The following RANBP10 variants were observed in gnomAD, a reference collection of about 807,000 sequenced individuals.
The protein encoded by RANBP10 is RAN binding protein 10.
A neutral mutation model predicts 72.8 loss-of-function variants in RANBP10; 24 were observed. The ratio of observed to expected loss-of-function variants is 0.33; its 90% CI spans 0.24 to 0.46. The LOEUF (loss-of-function observed/expected upper bound fraction) is 0.46, where lower values mean the gene tolerates loss of function less well. Ranked by LOEUF, RANBP10 falls within the 20% of genes least tolerant of loss-of-function variation. RANBP10 has a pLI of 1.00. For synonymous variants in RANBP10, 310 were observed against 322.3 expected, an observed-to-expected ratio of 0.96 and a Z score of 0.41; for missense variants, 679 against 817.5, an observed-to-expected ratio of 0.83 and a Z score of 2.07.
At chr16:67,758,843 G>A (rs80265588) in intron 3 of RANBP10, among the ~76,000 whole-genome samples, 18,777 of 152,198 alleles carry the variant, frequency 0.12, 2,205 homozygotes, top group African/African-American at 0.31. Flanking sequence ...CCCAGAATAA[G>A]ACTTTTTAGG....
intron 2 of RANBP10, among the ~76,000 whole-genome samples, chr16:67,782,102 AAC>A (rs1179581575): frequency 6.6e-6 from 1 of 152,196 alleles, no homozygotes; most frequent in African/African-American, 2.4e-5. Flanking sequence ...TTCTACAACT[AAC>A]ACAAATTACT....
chr16:67,790,888 C>CG (rs1436416386), intron 2 of RANBP10, among the ~76,000 whole-genome samples: 3 of 151,184 alleles, frequency 2.0e-5, no homozygotes, highest in Non-Finnish European at 4.4e-5. Flanking sequence ...TTAGTAGAGA[C>CG]GGGGTCTCAT....
chr16:67,748,611 C>A (rs1339829103), intron 3 of RANBP10, among the ~76,000 whole-genome samples: 1 of 151,918 alleles, frequency 6.6e-6, no homozygotes, highest in African/African-American at 2.4e-5. Flanking sequence ...TCTATGTTGC[C>A]CAGGCTGGTC....
chr16:67,762,014 G>A (rs2143010186), intron 3 of RANBP10, among the ~76,000 whole-genome samples: 1 of 152,274 alleles, frequency 6.6e-6, no homozygotes, highest in East Asian at 1.9e-4. Context: ...CCAACATTTT[G>A]GGAGGCCAAA....
chr16:67,803,426 G>A (rs893349780), intron 2 of RANBP10, among the ~76,000 whole-genome samples: 5 of 151,978 alleles, frequency 3.3e-5, no homozygotes, highest in African/African-American at 9.7e-5. Context: ...CAAGGCAGGC[G>A]AATCACCTGA....
At chr16:67,744,734 T>C (rs976320857) in intron 3 of RANBP10, among the ~76,000 whole-genome samples, 1 of 152,192 alleles carries the variant, frequency 6.6e-6, no homozygotes, top group Admixed American at 6.5e-5. Flanking sequence ...CAGAGGGTGG[T>C]ACAACAAGGA....
chr16:67,790,232 A>C (rs1209961023), intron 2 of RANBP10, among the ~76,000 whole-genome samples: 1 of 151,908 alleles, frequency 6.6e-6, no homozygotes, highest in Non-Finnish European at 1.5e-5. Flanking sequence ...CCTTACATGA[A>C]CTATCAAGAA....
chr16:67,777,541 A>G (rs1449666936), intron 2 of RANBP10, among the ~76,000 whole-genome samples: 2 of 152,184 alleles, frequency 1.3e-5, no homozygotes. Flanking sequence ...ATCTCAAAAC[A>G]AAACGAAAAA....
intron 2 of RANBP10, among the ~76,000 whole-genome samples, chr16:67,792,175 C>T (rs1004542806): frequency 1.3e-4 from 20 of 152,118 alleles, no homozygotes; most frequent in Admixed American, 4.6e-4. Flanking sequence ...CATGCAGTCA[C>T]CCACTGAGCC....
At position 67,781,136 on chromosome 16, in the gene RANBP10, C is replaced by T. The variant is rs116190212; in HGVS notation, c.348-9050G>A. 5.7e-3 allele frequency among the ~76,000 whole-genome samples: 862 copies of T among 152,298 alleles called. 7 individuals are homozygous for T. The highest frequency in any genetic ancestry group is 0.02 in the African/African-American group (812 of 41,570). On this transcript the variant is annotated intron_variant, in intron 2 of 13. Transcript: ENST00000317506. ...ACAAACGAGCACCTGAGCGCAGTGC[C>T]GGAGGCTGAAGGTGGATGATGGGAC...
chr16:67,745,717 A>G (rs1373760867), intron 3 of RANBP10, among the ~76,000 whole-genome samples: 2 of 152,138 alleles, frequency 1.3e-5, no homozygotes, highest in East Asian at 3.9e-4. Context: ...ATCAACACAC[A>G]GAACATTTCC....
At chr16:67,751,896 G>GA (rs372627812) in intron 3 of RANBP10, among the ~76,000 whole-genome samples, 11 of 119,504 alleles carry the variant, frequency 9.2e-5, no homozygotes, top group South Asian at 2.5e-4. Flanking sequence ...GTCTCAAAAA[G>GA]AAAAAAAAAA....
At chr16:67,806,176 G>T in intron 1 of RANBP10, 126 bp downstream of exon 1, 2 of 954,196 alleles carry the variant, frequency 2.1e-6, no homozygotes, top group Non-Finnish European at 3.1e-6. Flanking sequence ...TGGACATCCT[G>T]AAAGGGCCAA....
In RANBP10 at chr16:67,729,863, T is replaced by C. The variant is rs1019207455; in HGVS notation, c.999-35A>G. Reference sequence around the variant, plus strand: ...GAGCGGAGCAATAATGCTCTGGTTGTGGTCCAGGTTGACGTTCCCACCACC... The same window carrying C: ...GAGCGGAGCAATAATGCTCTGGTTGCGGTCCAGGTTGACGTTCCCACCACC... On this transcript the variant is annotated intron_variant, in intron 8 of 13. Transcript: ENST00000317506. The surrounding 1 kb of genome is among the most constrained non-coding windows in gnomAD (Gnocchi z 7.1). 6.2e-7 allele frequency: 1 copy of C among 1,613,430 alleles called. No individual in the cohort carries two copies. The highest frequency in any genetic ancestry group is 1.7e-5 in the Admixed American group (1 of 60,018).
intron 5 of RANBP10, among the ~76,000 whole-genome samples, chr16:67,736,064 C>T (rs554558650): frequency 7.2e-5 from 11 of 152,156 alleles, no homozygotes; most frequent in Non-Finnish European, 1.6e-4. Flanking sequence ...TCCAGAGCCT[C>T]GCTAGCCTCC....
chr16:67,745,843 G>A (rs1271559983), intron 3 of RANBP10, among the ~76,000 whole-genome samples: 1 of 151,708 alleles, frequency 6.6e-6, no homozygotes, highest in Non-Finnish European at 1.5e-5. Context: ...CAACATAGTG[G>A]GACCTCATCT....
At chr16:67,733,248 C>T (rs2053770801) in intron 6 of RANBP10, among the ~76,000 whole-genome samples, 1 of 151,876 alleles carries the variant, frequency 6.6e-6, no homozygotes, top group Non-Finnish European at 1.5e-5. Flanking sequence ...TGCCTACAGT[C>T]CCAGCTACTC....
chr16:67,729,625 G>A lies in RANBP10; in HGVS notation c.1147+55C>T, dbSNP rs193300127. ...CCCAGCCCAGGAAAGGGTATGTGGA[G>A]TGGCCTCTCTCCTCCACACCAGTTC... On this transcript the variant is annotated intron_variant, in intron 9 of 13. Transcript: ENST00000317506. The surrounding 1 kb of genome is among the most constrained non-coding windows in gnomAD (Gnocchi z 7.1). The A allele has an allele frequency of 2.5e-5, 40 of 1,570,344 alleles. No homozygotes were observed. Among genetic ancestry groups the A allele is most frequent in the African/African-American group, 2.2e-4 (16 of 73,962 alleles).
intron 2 of RANBP10, among the ~76,000 whole-genome samples, chr16:67,804,836 C>CTTTAA (rs1211390583): frequency 2.0e-5 from 3 of 152,102 alleles, no homozygotes; most frequent in Non-Finnish European, 2.9e-5. Flanking sequence ...GCTCCTAATG[C>CTTTAA]TGACTTTAAT....
Sources: allele counts gnomAD v4.1 joint callset (sites outside exome capture counted in the v4.1 genomes callset), GRCh38; gene constraint gnomAD v4.1.1; non-coding constraint Gnocchi (gnomAD v3.1); transcripts MANE v1.5; gene names NCBI Gene and HGNC (gene_info 2026-07-23, HGNC 2026-07-21).